Variants in ZC3H14 observed in about 807,000 individuals in gnomAD.
The protein encoded by ZC3H14 is zinc finger CCCH-type containing 14.
ZC3H14 carries 31 observed loss-of-function variants against 92.4 expected under a neutral mutation model. The observed-to-expected ratio is 0.34, with a 90% confidence interval of 0.25 to 0.45. The LOEUF is 0.45. ZC3H14 is among the 20% of genes least tolerant of loss of function. The probability of loss-of-function intolerance (pLI) is 1.00; values close to 1 mark genes in which losing one functional copy is unlikely to be tolerated. For missense variants in ZC3H14, 781 were observed against 897.3 expected, an observed-to-expected ratio of 0.87 and a Z score of 1.66; for synonymous variants, 321 against 300.9, an observed-to-expected ratio of 1.07 and a Z score of -0.69.
chr14:88,586,797 G>A (rs765933877), intron 9 of ZC3H14: 2 of 152,138 alleles, frequency 1.3e-5, no homozygotes, highest in Non-Finnish European at 2.9e-5. Flanking sequence ...CCTGATAGAT[G>A]AGAAAATAAT....
At chr14:88,563,591 T>G (rs2079166534) in intron 1 of ZC3H14, 60 bp from the exon 2 acceptor site, 5 of 1,601,206 alleles carry the variant, frequency 3.1e-6, no homozygotes, top group Non-Finnish European at 4.3e-6. Flanking sequence ...CGCTGCAGAG[T>G]CCGGTCTTGT....
In ZC3H14 at chr14:88,615,826, G is replaced by A. The variant is rs200604070; in HGVS notation, c.*4075G>A. The stretch of plus-strand genomic sequence containing the variant: ...AGTCATCTCAGCATCTCTCAGTGAG[G>A]TGTATGTACACATTTCCAGACAAAT... On this transcript the variant is annotated 3_prime_UTR_variant, in exon 17 of 17. Coordinates refer to ENST00000251038, the MANE Select transcript of ZC3H14 (RefSeq NM_024824.5). The A allele has an allele frequency of 1.2e-5, 20 of 1,611,848 alleles. No individual in the cohort carries two copies. The African/African-American group carries it at 1.6e-4, about 13-fold the overall frequency.
Position 88,618,508 on chromosome 14 carries a change from A to C in ZC3H14, c.*6757A>C, listed in dbSNP as rs575988093. 3 of 1,140,218 alleles carry C rather than the reference A, an allele frequency of 2.6e-6. No individual in the cohort carries two copies. In the East Asian group the frequency reaches 7.7e-5, roughly 29 times the overall value. The allele number at this position is 1,140,218 out of a possible 1,614,324, so 70.6% of individuals were successfully genotyped here. A position where few individuals can be genotyped will look rare whatever the true frequency, so the allele number is the denominator to read the frequency against. ...AAAGCTCTGATAAGTGGGGGAGGAA[A>C]GGGGAGCTGTAGGTCAGAAGGTACA... is the stretch of plus-strand genomic sequence containing the variant. On this transcript the variant is annotated 3_prime_UTR_variant, in exon 17 of 17. Transcript: ENST00000251038.
Position 88,621,177 on chromosome 14 carries a change from G to A in ZC3H14, c.*9426G>A. The A allele has an allele frequency of 1.2e-6, 2 of 1,613,850 alleles. No individual in the cohort carries two copies. The highest frequency in any genetic ancestry group is 1.7e-6 in the Non-Finnish European group (2 of 1,179,854). On this transcript the variant is annotated 3_prime_UTR_variant, in exon 17 of 17. Transcript: ENST00000251038. ...TGCAGCAGAAAGGAAAAAATCCCTG[G>A]AAGGATGTGTTGCTAGTCCCCAGAT...
At position 88,563,158 on chromosome 14, in the gene ZC3H14, C is replaced by A. The variant is rs1242879947; in HGVS notation, c.25C>A (p.Arg9Ser). Residue 9 changes from arginine to serine, a missense_variant, in exon 1 of 17, where the codon CGC becomes AGC. This residue lies in a region of ZC3H14 where 106 missense variants were observed against 154.2 expected (regional missense o/e 0.69). Transcript: ENST00000251038. Reference sequence around the variant, plus strand: ...CATGGAGATCGGCACCGAGATCAGCCGCAAGATCCGGGTGAGGCCCGTGCC... The same window carrying A: ...CATGGAGATCGGCACCGAGATCAGCAGCAAGATCCGGGTGAGGCCCGTGCC... Reference protein sequence around the residue: MEIGTEISRKIRSAIKGKL... With the variant: MEIGTEISSKIRSAIKGKL... 7 of 1,603,654 alleles carry A rather than the reference C, an allele frequency of 4.4e-6. No homozygotes were observed. The African/African-American group carries it at 6.7e-5, about 15-fold the overall frequency.
At position 88,609,297 on chromosome 14, in the gene ZC3H14, ATGTT is replaced by A. The variant is rs758439501; in HGVS notation, c.1908_1911del (p.Val637ThrfsTer20). On this transcript the variant is annotated frameshift_variant, in exon 14 of 17. Transcript: ENST00000251038. LOFTEE classifies it high-confidence loss of function. ...TCCCCAATTGTAAATTTGCTGAAAA[ATGTT>A]TGTTTGTTCACCCAAATTGTAAATA... 15 of 1,613,898 alleles carry A rather than the reference ATGTT, an allele frequency of 9.3e-6. No homozygotes were observed. The highest frequency in any genetic ancestry group is 2.7e-5 in the African/African-American group (2 of 74,898).
At chr14:88,563,791 G>A (rs2079201270) in intron 2 of ZC3H14, 98 bp downstream of exon 2, 6 of 1,164,218 alleles carry the variant, frequency 5.2e-6, no homozygotes, top group Non-Finnish European at 7.7e-6. Context: ...TGGACATTGG[G>A]AGAGACTCCC....
At position 88,563,080 on chromosome 14, in the gene ZC3H14, C is replaced by T; in HGVS notation, c.-54C>T. ...GCTGCGGGGTAGGAGTCCGCGGCAG[C>T]CTCCGGGTAAGCCAAGCGCCGCGCA... On this transcript the variant is annotated 5_prime_UTR_variant, in exon 1 of 17. Transcript: ENST00000251038. 1 of 1,550,950 alleles carries T rather than the reference C, an allele frequency of 6.4e-7. No homozygotes were observed. Among genetic ancestry groups the T allele is most frequent in the East Asian group, 2.4e-5 (1 of 41,420 alleles).
At chr14:88,584,605 C>T (rs2082267635) in intron 9 of ZC3H14, among the ~76,000 whole-genome samples, 1 of 152,190 alleles carries the variant, frequency 6.6e-6, no homozygotes, top group Non-Finnish European at 1.5e-5. Context: ...CCTCCTGTTG[C>T]TTTATGGTAA....
intron 2 of ZC3H14, among the ~76,000 whole-genome samples, chr14:88,565,633 A>G (rs892062914): frequency 1.3e-5 from 2 of 152,116 alleles, no homozygotes; most frequent in African/African-American, 4.8e-5. Flanking sequence ...CAACAGTTCA[A>G]AAAGGTCATT....
At chr14:88,587,968 T>C (rs2082655689) in intron 9 of ZC3H14, among the ~76,000 whole-genome samples, 1 of 152,166 alleles carries the variant, frequency 6.6e-6, no homozygotes, top group East Asian at 1.9e-4. Flanking sequence ...TATATAAATA[T>C]TACAAGGCCA....
intron 8 of ZC3H14, 26 bp downstream of exon 8, chr14:88,575,966 C>T: frequency 3.9e-6 from 6 of 1,536,152 alleles, no homozygotes; most frequent in Non-Finnish European, 5.4e-6. Flanking sequence ...TATGTTTACA[C>T]TTGGTAAGAC....
chr14:88,599,760 A>G (rs570732968), intron 10 of ZC3H14, among the ~76,000 whole-genome samples: 5 of 152,222 alleles, frequency 3.3e-5, no homozygotes, highest in African/African-American at 9.6e-5. Flanking sequence ...TGTTCACCCA[A>G]CCTATGAACT....
chr14:88,565,331 C>A (rs1184168388), intron 2 of ZC3H14, among the ~76,000 whole-genome samples: 1 of 151,818 alleles, frequency 6.6e-6, no homozygotes, highest in African/African-American at 2.4e-5. Flanking sequence ...TTAGTAGAGA[C>A]AGGGTTTCAC....
At chr14:88,567,525 T>A (rs2079859325) in intron 2 of ZC3H14, among the ~76,000 whole-genome samples, 4 of 152,162 alleles carry the variant, frequency 2.6e-5, no homozygotes, top group Admixed American at 2.6e-4. Flanking sequence ...AATGTTAAAA[T>A]TGATTTTTTT....
chr14:88,568,887 A>G (rs770156259), intron 3 of ZC3H14, among the ~76,000 whole-genome samples: 11 of 152,094 alleles, frequency 7.2e-5, no homozygotes, highest in Non-Finnish European at 1.3e-4. Context: ...GTAAACTTCT[A>G]TATCTTTTTT....
chr14:88,620,590 G>T lies in ZC3H14; in HGVS notation c.*8839G>T. 1 of 540,388 alleles carries T rather than the reference G, an allele frequency of 1.9e-6. No individual in the cohort carries two copies. The highest frequency in any genetic ancestry group is 3.0e-6 in the Non-Finnish European group (1 of 332,654). The allele number at this position is 540,388 out of a possible 1,614,324, so 33.5% of individuals were successfully genotyped here. A position where few individuals can be genotyped will look rare whatever the true frequency, so the allele number is the denominator to read the frequency against. ...CAGTGGGTTTATAATTTAGCAAGAA[G>T]AATTAAGTAGTATACAAACAGCCAT... On this transcript the variant is annotated 3_prime_UTR_variant, in exon 17 of 17. Transcript: ENST00000251038. This position sits in a 1 kb window ranked among gnomAD's most constrained non-coding sequence, Gnocchi z 4.3.
rs942580956 is a variant in ZC3H14 at position 88,615,748 on chromosome 14, G to T, written c.*3997G>T. On this transcript the variant is annotated 3_prime_UTR_variant, in exon 17 of 17. Coordinates refer to ENST00000251038, the MANE Select transcript of ZC3H14 (RefSeq NM_024824.5). ...GGTTAGCACCACTTGACCATGCAGG[G>T]TTGGGTTTTGGTTTTTCTTCTCTGT... The T allele has an allele frequency of 8.8e-6, 13 of 1,483,834 alleles. No individual in the cohort carries two copies. In the African/African-American group the frequency reaches 1.3e-4, roughly 14 times the overall value. The allele number at this position is 1,483,834 out of a possible 1,614,324, so 91.9% of individuals were successfully genotyped here.
chr14:88,609,168 A>G, intron 13 of ZC3H14, 99 bp from the exon 14 acceptor site: 6 of 1,466,996 alleles, frequency 4.1e-6, no homozygotes, highest in Non-Finnish European at 5.6e-6. Context: ...GCATTTCTCA[A>G]AACAAGTAGT....
Sources: allele counts gnomAD v4.1 joint callset (sites outside exome capture counted in the v4.1 genomes callset), GRCh38; gene constraint gnomAD v4.1.1; regional missense constraint gnomAD v4.1.1; non-coding constraint Gnocchi (gnomAD v3.1); transcripts MANE v1.5; gene names NCBI Gene and HGNC (gene_info 2026-07-23, HGNC 2026-07-21).